Variants in UNC13C observed in about 807,000 individuals in gnomAD.
UNC13C encodes protein unc-13 homolog C.
In UNC13C, 174 loss-of-function variants were observed where a neutral mutation model predicts 245.4. That is an observed-to-expected ratio of 0.71 (90% CI 0.63 to 0.80). The LOEUF (loss-of-function observed/expected upper bound fraction) is 0.80. Ranked by LOEUF, UNC13C falls within the 30% of genes least tolerant of loss-of-function variation. UNC13C has a pLI of 0.00. For missense variants in UNC13C, 2,829 were observed against 2,602.9 expected (o/e 1.09, Z -1.89); for synonymous variants, 992 against 895.1 (o/e 1.11, Z -1.93).
At chr15:54,047,311 C>T (rs1030494040) in intron 2 of UNC13C, among the ~76,000 whole-genome samples, 1 of 151,934 alleles carries the variant, frequency 6.6e-6, no homozygotes, top group African/African-American at 2.4e-5. Flanking sequence ...AATTCAGTGG[C>T]ATTAACATTC....
chr15:53,974,624 T>C (rs1893640265), upstream of UNC13C, among the ~76,000 whole-genome samples: 1 of 152,238 alleles, frequency 6.6e-6, no homozygotes, highest in African/African-American at 2.4e-5. Context: ...ACAGCATCCA[T>C]ATCTTGTGAC....
intron 24 of UNC13C, among the ~76,000 whole-genome samples, chr15:54,522,316 CAA>C (rs35594697): frequency 1.0e-4 from 11 of 108,710 alleles, no homozygotes; most frequent in Admixed American, 9.3e-5. Context: ...ACTAAAAATA[CAA>C]AAAAAAAAAA....
intron 28 of UNC13C, among the ~76,000 whole-genome samples, chr15:54,551,981 G>A (rs997305408): frequency 6.6e-6 from 1 of 150,956 alleles, no homozygotes; most frequent in Non-Finnish European, 1.5e-5. Flanking sequence ...TAATTTGAAA[G>A]CAGATATGAT....
chr15:54,264,665 C>G (rs1328263972), intron 9 of UNC13C, among the ~76,000 whole-genome samples: 3 of 151,494 alleles, frequency 2.0e-5, no homozygotes, highest in African/African-American at 7.3e-5. Flanking sequence ...AAGAAATGAG[C>G]ATTTTTGTTG....
intron 7 of UNC13C, among the ~76,000 whole-genome samples, chr15:54,238,592 A>G (rs1000651691): frequency 6.6e-6 from 1 of 152,252 alleles, no homozygotes; most frequent in Non-Finnish European, 1.5e-5. Context: ...AGCTTAGGTT[A>G]TAATAAGCAA....
At chr15:54,612,861 T>C (rs1900195230) in intron 30 of UNC13C, among the ~76,000 whole-genome samples, 1 of 151,986 alleles carries the variant, frequency 6.6e-6, no homozygotes, top group African/African-American at 2.4e-5. Flanking sequence ...CAATCTTTTC[T>C]TGTTACTATA....
intron 2 of UNC13C, among the ~76,000 whole-genome samples, chr15:54,035,342 C>A (rs1019987318): frequency 3.3e-5 from 5 of 151,868 alleles, no homozygotes; most frequent in African/African-American, 1.2e-4. Context: ...CCCTTTATAT[C>A]TTCCTATGTT....
chr15:54,247,398 C>T (rs16974382), intron 7 of UNC13C, among the ~76,000 whole-genome samples: 2,299 of 152,118 alleles, frequency 0.015, 27 homozygotes, highest in South Asian at 0.036. Flanking sequence ...ATGCATTATC[C>T]CCCTGAAATA....
intron 2 of UNC13C, among the ~76,000 whole-genome samples, chr15:54,073,033 C>A (rs1898407273): frequency 6.6e-6 from 1 of 152,054 alleles, no homozygotes; most frequent in Non-Finnish European, 1.5e-5. Flanking sequence ...CCTCCCCTAG[C>A]CCTCCACCCC....
At chr15:53,894,847 A>G in the UNC13C span, among the ~76,000 whole-genome samples, 1 of 152,202 alleles carries the variant, frequency 6.6e-6, no homozygotes, top group Non-Finnish European at 1.5e-5. Flanking sequence ...AGATTAGTGT[A>G]AATTATTGCC....
At chr15:54,193,375 G>A (rs2034251525) in intron 4 of UNC13C, among the ~76,000 whole-genome samples, 1 of 152,034 alleles carries the variant, frequency 6.6e-6, no homozygotes, top group South Asian at 2.1e-4. Context: ...TCTTTATTCA[G>A]TATGTCTTGA....
intron 2 of UNC13C, among the ~76,000 whole-genome samples, chr15:54,033,112 C>T (rs994709693): frequency 1.3e-5 from 2 of 152,024 alleles, no homozygotes; most frequent in African/African-American, 4.8e-5. Flanking sequence ...CCAAATACCA[C>T]GTGTTCCCTA....
chr15:54,060,110 G>C (rs1897742024), intron 2 of UNC13C, among the ~76,000 whole-genome samples: 3 of 151,266 alleles, frequency 2.0e-5, no homozygotes, highest in Admixed American at 2.0e-4. Flanking sequence ...AGCCAAAATT[G>C]ACAGATGGGA....
the UNC13C span, among the ~76,000 whole-genome samples, chr15:53,965,650 T>G: frequency 5.9e-5 from 9 of 151,938 alleles, no homozygotes; most frequent in African/African-American, 2.2e-4. Context: ...TGTGCCATGT[T>G]GGTGTGCTGC....
intron 2 of UNC13C, among the ~76,000 whole-genome samples, chr15:54,137,400 A>T (rs189496058): frequency 1.3e-5 from 2 of 152,264 alleles, no homozygotes. Context: ...TTTTTTGAAG[A>T]GTTTGAGAAA....
intron 4 of UNC13C, among the ~76,000 whole-genome samples, chr15:54,162,208 G>T (rs1348957965): frequency 6.6e-6 from 1 of 152,214 alleles, no homozygotes; most frequent in Non-Finnish European, 1.5e-5. Flanking sequence ...ACTGCAAAAG[G>T]GTTAAGGTGA....
the UNC13C span, among the ~76,000 whole-genome samples, chr15:53,952,571 TACTG>T: frequency 6.6e-6 from 1 of 152,232 alleles, no homozygotes; most frequent in East Asian, 1.9e-4. Flanking sequence ...CTTTAAAAAA[TACTG>T]ACTTCTTTCT....
At chr15:53,955,330 A>T in the UNC13C span, among the ~76,000 whole-genome samples, 1 of 152,104 alleles carries the variant, frequency 6.6e-6, no homozygotes, top group African/African-American at 2.4e-5. Flanking sequence ...CACAATGGGA[A>T]AAGAACAACT....
intron 26 of UNC13C, among the ~76,000 whole-genome samples, chr15:54,541,078 C>G (rs999148197): frequency 6.6e-6 from 1 of 152,018 alleles, no homozygotes; most frequent in Non-Finnish European, 1.5e-5. Context: ...ATTACAGGAG[C>G]CGGAGTTCCA....
Sources: allele counts gnomAD v4.1 joint callset (sites outside exome capture counted in the v4.1 genomes callset), GRCh38; gene constraint gnomAD v4.1.1; transcripts MANE v1.5; gene names NCBI Gene and HGNC (gene_info 2026-07-23, HGNC 2026-07-21).